The following KIF11 variants were observed in gnomAD, a reference collection of about 807,000 sequenced individuals.
KIF11 encodes kinesin family member 11, also known as kinesin-like protein KIF11.
A neutral mutation model predicts 121.0 loss-of-function variants in KIF11; 9 were observed. The ratio of observed to expected loss-of-function variants is 0.07; its 90% CI spans 0.04 to 0.13. KIF11 has a LOEUF of 0.13. Ranked by LOEUF, KIF11 falls within the 10% of genes least tolerant of loss-of-function variation. The pLI is 1.00. For missense variants in KIF11, 846 were observed against 1,217.5 expected, an observed-to-expected ratio of 0.69 and a Z score of 4.54; for synonymous variants, 408 against 421.0, an observed-to-expected ratio of 0.97 and a Z score of 0.38.
Position 92,613,179 on chromosome 10 carries a change from A to G in KIF11, c.789+49A>G. The G allele has an allele frequency of 7.0e-7, 1 of 1,419,512 alleles. No homozygotes were observed. Among genetic ancestry groups the G allele is most frequent in the Non-Finnish European group, 9.8e-7 (1 of 1,024,852 alleles). 87.9% of individuals were successfully genotyped at this position (1,419,512 alleles called of 1,614,324 possible). A position where few individuals can be genotyped will look rare whatever the true frequency, so the allele number is the denominator to read the frequency against. ...TGTTTCACTCTTAAACACCTTATAG[A>G]GCAGCTTGAAATTTTGTCCTTGAGA... On this transcript the variant is annotated intron_variant, in intron 7 of 21. Coordinates refer to ENST00000260731, the MANE Select transcript of KIF11 (RefSeq NM_004523.4). The surrounding 1 kb of genome is among the most constrained non-coding windows in gnomAD (Gnocchi z 4.2).
At chr10:92,629,584 G>T (rs114841568) in intron 11 of KIF11, among the ~76,000 whole-genome samples, 1 of 151,952 alleles carries the variant, frequency 6.6e-6, no homozygotes, top group South Asian at 2.1e-4. Flanking sequence ...ACCTTTCAGG[G>T]CCACCCTCAT....
rs1491391031 is a variant in KIF11, at chr10:92,614,065, C to CACACACAT, written c.1032+447_1032+448insCACACATA. ...ACACACACACACACACACACACACA[C>CACACACAT]ATATAGTAGGGAAAAAAAGTTCATT... On this transcript the variant is annotated intron_variant, in intron 8 of 21. Transcript: ENST00000260731. Among the ~76,000 whole-genome samples, 536 of 116,460 alleles carry CACACACAT rather than the reference C, an allele frequency of 4.6e-3. 3 individuals are homozygous for CACACACAT. Among genetic ancestry groups the CACACACAT allele is most frequent in the African/African-American group, 0.018 (498 of 28,252 alleles). The allele number at this position is 116,460 out of a possible 152,430, so 76.4% of individuals were successfully genotyped here. A position where few individuals can be genotyped will look rare whatever the true frequency, so the allele number is the denominator to read the frequency against.
At chr10:92,640,798 G>A (rs1038936593) in intron 17 of KIF11, among the ~76,000 whole-genome samples, 6 of 151,754 alleles carry the variant, frequency 4.0e-5, no homozygotes, top group African/African-American at 1.5e-4. Flanking sequence ...AGTGGCGCGA[G>A]TGCAGTGGTG....
chr10:92,624,228 C>CT (rs201871020), intron 10 of KIF11, among the ~76,000 whole-genome samples: 2,231 of 99,822 alleles, frequency 0.022, 78 homozygotes, highest in East Asian at 0.069. Context: ...TGATCTCATT[C>CT]TTTTTTTTTT....
intron 21 of KIF11, among the ~76,000 whole-genome samples, chr10:92,652,011 A>G (rs1197792850): frequency 6.2e-5 from 7 of 113,806 alleles, no homozygotes; most frequent in African/African-American, 2.4e-4. Flanking sequence ...GGGTCTTGCT[A>G]TGTTGGCCAG....
At chr10:92,630,037 G>A (rs1844719457) in intron 11 of KIF11, 139 bp from the exon 12 acceptor site, 2 of 550,840 alleles carry the variant, frequency 3.6e-6, no homozygotes, top group Middle Eastern at 9.3e-4. Flanking sequence ...GAAAGAAACA[G>A]GATGACATAT....
rs781153528 is a variant in KIF11, at chr10:92,613,975, CA to C, written c.1032+368del. ...TGGGTGGCAGAGGGAGACCCCATCT[CA>C]AAAAAAAAAAAGTATGTGTATAAAA... On this transcript the variant is annotated intron_variant, in intron 8 of 21. Transcript: ENST00000260731. The surrounding 1 kb of genome is among the most constrained non-coding windows in gnomAD (Gnocchi z 4.2). Among the ~76,000 whole-genome samples the C allele has an allele frequency of 3.5e-3, 305 of 85,932 alleles. No homozygotes were observed. Among genetic ancestry groups the C allele is most frequent in the African/African-American group, 9.4e-3 (196 of 20,846 alleles). The allele number at this position is 85,932 out of a possible 152,430, so 56.4% of individuals were successfully genotyped here.
Position 92,645,067 on chromosome 10 carries a change from C to T in KIF11, c.2268-296C>T, listed in dbSNP as rs7917359. ...AGTAGATGCCCTGAAGTAACATTGC[C>T]TAGTAAGAGGAATAAAACAAGTAGA... On this transcript the variant is annotated intron_variant, in intron 17 of 21. Transcript: ENST00000260731. 0.14 allele frequency among the ~76,000 whole-genome samples: 22,044 copies of T among 152,104 alleles called. 3,375 individuals are homozygous for T. Among genetic ancestry groups the T allele is most frequent in the African/African-American group, 0.38 (15,879 of 41,466 alleles).
chr10:92,622,818 TG>T (rs1265570086), intron 10 of KIF11, among the ~76,000 whole-genome samples: 1 of 151,452 alleles, frequency 6.6e-6, no homozygotes, highest in East Asian at 1.9e-4. Flanking sequence ...GAGGCATGGC[TG>T]GGGAGGCTTC....
Position 92,609,059 on chromosome 10 carries a change from AT to A in KIF11, c.432del (p.Phe144LeufsTer51). 1.3e-6 allele frequency: 2 copies of A among 1,595,112 alleles called. No individual in the cohort carries two copies. Among genetic ancestry groups the A allele is most frequent in the South Asian group, 1.1e-5 (1 of 88,958 alleles). ...TATAATTCCACGTACCCTTCATCAA[AT>A]TTTTGAGAAACTTACTGATAATGGT... Reference protein sequence around the residue: ...AGIIPRTLHQIFEKLTDNGTE... With the variant: ...AGIIPRTLHQXFEKLTDNGTE... On this transcript the variant is annotated frameshift_variant, in exon 5 of 22. Transcript: ENST00000260731. LOFTEE classifies it high-confidence loss of function.
intron 9 of KIF11, 148 bp downstream of exon 9, chr10:92,616,980 G>T: frequency 2.0e-6 from 1 of 491,622 alleles, no homozygotes; most frequent in East Asian, 3.4e-5. Context: ...TGTCTTACAT[G>T]TTAACATATT....
rs79088665 is a variant in KIF11, at chr10:92,608,420, C to T, written c.388-600C>T. On this transcript the variant is annotated intron_variant, in intron 4 of 21. Coordinates refer to ENST00000260731, the MANE Select transcript of KIF11 (RefSeq NM_004523.4). ...ATGGAATAGGCTTAAAGCATAGTTT[C>T]GCTGGGCAGAATTATTGAACTTGGC... Among the ~76,000 whole-genome samples the T allele has an allele frequency of 3.6e-3, 543 of 151,502 alleles. 2 individuals are homozygous for T. Among genetic ancestry groups the T allele is most frequent in the Non-Finnish European group, 6.7e-3 (452 of 67,928 alleles).
intron 17 of KIF11, among the ~76,000 whole-genome samples, chr10:92,641,343 A>C (rs1209577950): frequency 6.6e-6 from 1 of 151,806 alleles, no homozygotes; most frequent in Non-Finnish European, 1.5e-5. Flanking sequence ...TTTGGTGGGA[A>C]GTAGTCTTTA....
Position 92,613,520 on chromosome 10 carries a change from T to C in KIF11, c.933T>C (p.Tyr311=). ...TAGAAAGAACACCTCATGTTCCTTA[T>C]CGAGAATCTAAACTAACTAGAATCC... ...ALVERTPHVP[Y]RESKLTRILQ... The change falls in exon 8 of 22, where the codon TAT becomes TAC. Residue 311 remains tyrosine, a synonymous_variant. Transcript: ENST00000260731. This position sits in a 1 kb window ranked among gnomAD's most constrained non-coding sequence, Gnocchi z 4.2. 1 of 1,612,972 alleles carries C rather than the reference T, an allele frequency of 6.2e-7. No homozygotes were observed.
intron 9 of KIF11, among the ~76,000 whole-genome samples, chr10:92,619,258 C>G (rs1162077152): frequency 6.6e-6 from 1 of 152,158 alleles, no homozygotes; most frequent in Non-Finnish European, 1.5e-5. Context: ...ACCTTGTGAT[C>G]CACCCACCTT....
chr10:92,653,784 G>A lies in KIF11; in HGVS notation c.3159G>A (p.Gln1053=), dbSNP rs774629346. 5 of 1,611,444 alleles carry A rather than the reference G, an allele frequency of 3.1e-6. No homozygotes were observed. The South Asian group carries it at 5.5e-5, about 18-fold the overall frequency. ...AGAGCAGATTACCTCTGCGAGCCCA[G>A]ATCAACCTTTAATTCACTTGGGGGT... The part of the protein sequence containing the change: ...VTKSRLPLRA[Q]INL The change falls in exon 22 of 22, where the codon CAG becomes CAA. Residue 1053 remains glutamine, a synonymous_variant. Coordinates refer to ENST00000260731, the MANE Select transcript of KIF11 (RefSeq NM_004523.4).
intron 5 of KIF11, 76 bp downstream of exon 5, chr10:92,609,281 AG>A: frequency 8.5e-7 from 1 of 1,180,416 alleles, no homozygotes; most frequent in Non-Finnish European, 1.2e-6. Flanking sequence ...AGAGAGAGAG[AG>A]AGAGAGAGAG....
rs757916805 is a variant in KIF11, at chr10:92,645,504, A to G, written c.2409A>G (p.Lys803=). The G allele has an allele frequency of 6.2e-7, 1 of 1,614,092 alleles. No homozygotes were observed. Among genetic ancestry groups the G allele is most frequent in the South Asian group, 1.1e-5 (1 of 91,084 alleles). The stretch of plus-strand genomic sequence containing the variant: ...AAGAATCTGTGAAACACTCTGATAA[A>G]CTCAATGGCAACCTGGAAAAAATAT... ...LVEESVKHSD[K]LNGNLEKISQ... Residue 803 remains lysine (K), a synonymous_variant, in exon 18 of 22, where the codon AAA becomes AAG. Transcript: ENST00000260731.
In KIF11 at chr10:92,655,078, A is replaced by G. The variant is rs1357404386; in HGVS notation, c.*1282A>G. 1 of 152,636 alleles carries G rather than the reference A, an allele frequency of 6.6e-6. No individual in the cohort carries two copies. Among genetic ancestry groups the G allele is most frequent in the East Asian group, 1.9e-4 (1 of 5,202 alleles). The allele number at this position is 152,636 out of a possible 1,614,324, so 9.5% of individuals were successfully genotyped here. ...CTCTGGTATTTTTGATCTGGCAACC[A>G]TATTTCTGGAAGTTGAGATGTTTCA... On this transcript the variant is annotated 3_prime_UTR_variant, in exon 22 of 22. Transcript: ENST00000260731.
Sources: allele counts gnomAD v4.1 joint callset (sites outside exome capture counted in the v4.1 genomes callset), GRCh38; gene constraint gnomAD v4.1.1; non-coding constraint Gnocchi (gnomAD v3.1); transcripts MANE v1.5; gene names NCBI Gene and HGNC (gene_info 2026-07-23, HGNC 2026-07-21).